Variants in PLA2G5 observed in about 807,000 individuals in gnomAD.
PLA2G5 encodes the protein phospholipase A2 group V.
PLA2G5 carries 12 observed loss-of-function variants against 15.9 expected under a neutral mutation model. The ratio of observed to expected loss-of-function variants is 0.76; its 90% CI spans 0.48 to 1.23. The LOEUF is 1.23. Among genes scored for constraint, PLA2G5 ranks in the 50% most tolerant of loss-of-function variants. The pLI is 0.00. For synonymous variants in PLA2G5, 71 were observed against 71.4 expected (o/e 0.99, Z 0.03); for missense variants, 169 against 177.1 (o/e 0.95, Z 0.26).
At chr1:20,064,211 T>C (rs904948273) in intron 2 of PLA2G5, among the ~76,000 whole-genome samples, 4 of 152,154 alleles carry the variant, frequency 2.6e-5, no homozygotes, top group Admixed American at 6.5e-5. Flanking sequence ...CCTTTCAAGA[T>C]TTTTTAAAAA....
intron 1 of PLA2G5, among the ~76,000 whole-genome samples, chr1:20,037,723 G>A (rs938737411): frequency 6.6e-6 from 1 of 152,214 alleles, no homozygotes; most frequent in Non-Finnish European, 1.5e-5. Context: ...ACCATCAGCT[G>A]TGGTAGTATG....
intron 1 of PLA2G5, among the ~76,000 whole-genome samples, chr1:20,037,865 C>T (rs550058222): frequency 2.0e-4 from 31 of 152,108 alleles, no homozygotes; most frequent in Non-Finnish European, 3.8e-4. Context: ...GATGGACCAT[C>T]TGGTGGGAGC....
intron 1 of PLA2G5, among the ~76,000 whole-genome samples, chr1:20,083,534 C>T (rs188514898): frequency 3.3e-5 from 5 of 151,792 alleles, no homozygotes; most frequent in East Asian, 1.9e-4. Flanking sequence ...AGGCAGCTGC[C>T]GGCAAGGAAC....
chr1:20,083,928 A>G (rs1303796361), intron 1 of PLA2G5, among the ~76,000 whole-genome samples: 1 of 151,812 alleles, frequency 6.6e-6, no homozygotes, highest in Non-Finnish European at 1.5e-5. Context: ...TTAGGTAGAC[A>G]CAGTGCCTGG....
Position 20,070,281 on chromosome 1 carries a change from C to T in PLA2G5, c.-195C>T. 1 of 985,472 alleles carries T rather than the reference C, an allele frequency of 1.0e-6. No homozygotes were observed. Among genetic ancestry groups the T allele is most frequent in the Non-Finnish European group, 1.2e-6 (1 of 829,942 alleles). 61.0% of individuals were successfully genotyped at this position (985,472 alleles called of 1,614,324 possible). ...CCGGGTTTGTCCTCATCATCGGTCA[C>T]TCCCATTCACAGCTTTAAGATTCTG... On this transcript the variant is annotated 5_prime_UTR_variant, in exon 1 of 5. Coordinates refer to ENST00000375108, the MANE Select transcript of PLA2G5 (RefSeq NM_000929.3).
intron 1 of PLA2G5, among the ~76,000 whole-genome samples, chr1:20,053,252 AT>A (rs2014264218): frequency 6.6e-6 from 1 of 152,198 alleles, no homozygotes; most frequent in African/African-American, 2.4e-5. Context: ...GAATTTTTAA[AT>A]TTACAACATT....
upstream of PLA2G5, chr1:20,068,951 T>C (rs558862046): frequency 7.8e-7 from 1 of 1,288,698 alleles, no homozygotes; most frequent in Non-Finnish European, 1.0e-6. Flanking sequence ...AGGACCCGGA[T>C]GGAAGTTAGG....
intron 1 of PLA2G5, among the ~76,000 whole-genome samples, chr1:20,076,070 A>T (rs1184839576): frequency 1.3e-5 from 2 of 151,852 alleles, no homozygotes; most frequent in Non-Finnish European, 2.9e-5. Context: ...ACAGGGTTTC[A>T]CCTCACTGGC....
chr1:20,063,988 C>G (rs1454424631), intron 2 of PLA2G5, among the ~76,000 whole-genome samples: 1 of 152,160 alleles, frequency 6.6e-6, no homozygotes. Context: ...TGACCTTGAT[C>G]GCCTCTAGAA....
chr1:20,056,453 T>C (rs1305008702), intron 1 of PLA2G5, among the ~76,000 whole-genome samples: 1 of 152,224 alleles, frequency 6.6e-6, no homozygotes, highest in African/African-American at 2.4e-5. Flanking sequence ...AAATGCCTTT[T>C]CTGTATCTAT....
chr1:20,064,524 G>A (rs1176745997), intron 2 of PLA2G5, among the ~76,000 whole-genome samples: 1 of 151,454 alleles, frequency 6.6e-6, no homozygotes. Context: ...GCAGTGAGCT[G>A]AGATCATGCC....
intron 2 of PLA2G5, among the ~76,000 whole-genome samples, chr1:20,062,121 G>C (rs558864283): frequency 2.6e-5 from 4 of 152,282 alleles, no homozygotes; most frequent in South Asian, 4.2e-4. Context: ...CCTAGAAGCC[G>C]AGCATACGCT....
chr1:20,029,381 A>C (rs951201753), intron 1 of PLA2G5, among the ~76,000 whole-genome samples: 3 of 151,760 alleles, frequency 2.0e-5, no homozygotes, highest in Non-Finnish European at 4.4e-5. Context: ...CTCCGCTGAC[A>C]TGTTCCTCCG....
At chr1:20,053,876 T>A (rs1453406579) in intron 1 of PLA2G5, among the ~76,000 whole-genome samples, 2 of 152,260 alleles carry the variant, frequency 1.3e-5, no homozygotes, top group African/African-American at 4.8e-5. Flanking sequence ...TGAATAAGGA[T>A]GTGTTTCCAG....
chr1:20,045,217 T>C (rs1383857371), intron 1 of PLA2G5, among the ~76,000 whole-genome samples: 2 of 151,914 alleles, frequency 1.3e-5, no homozygotes, highest in Non-Finnish European at 2.9e-5. Context: ...ACAGGAGGAA[T>C]GGAGGGTGGA....
upstream of PLA2G5, chr1:20,066,255 T>C (rs2015021065): frequency 6.6e-6 from 1 of 152,264 alleles, no homozygotes; most frequent in African/African-American, 2.4e-5. Context: ...TTGCTCATTT[T>C]TTAATTGAGT....
upstream of PLA2G5, among the ~76,000 whole-genome samples, chr1:20,067,911 G>A (rs554891128): frequency 1.3e-5 from 2 of 152,252 alleles, no homozygotes; most frequent in Admixed American, 6.5e-5. Flanking sequence ...CTGAGGTAAG[G>A]AGTTCGTGAC....
chr1:20,069,977 C>T (rs543816598), upstream of PLA2G5, among the ~76,000 whole-genome samples: 16 of 152,096 alleles, frequency 1.1e-4, no homozygotes, highest in African/African-American at 3.6e-4. Context: ...AGCAGGCTGT[C>T]AGAGCCTTAA....
chr1:20,073,233 A>G (rs952832998), intron 1 of PLA2G5, among the ~76,000 whole-genome samples: 8 of 152,234 alleles, frequency 5.3e-5, no homozygotes, highest in African/African-American at 1.9e-4. Context: ...AGAAACAAAG[A>G]CAGAAAGGAA....
Sources: gnomAD v4.1 joint callset for allele counts (sites outside exome capture counted in the v4.1 genomes callset) on GRCh38, gnomAD v4.1.1 for gene constraint, MANE v1.5 for transcripts, NCBI Gene and HGNC (gene_info 2026-07-23, HGNC 2026-07-21) for gene names.